The following NCKAP5L variants were observed in gnomAD, a reference collection of about 807,000 sequenced individuals.
NCKAP5L encodes NCK associated protein 5 like, also known as nck-associated protein 5-like.
A neutral mutation model predicts 103.2 loss-of-function variants in NCKAP5L; 54 were observed. The ratio of observed to expected loss-of-function variants is 0.52; its 90% CI spans 0.42 to 0.66. The LOEUF (loss-of-function observed/expected upper bound fraction) is 0.66. Ranked by LOEUF, NCKAP5L falls within the 30% of genes least tolerant of loss-of-function variation. The probability of loss-of-function intolerance (pLI) is 0.00; values close to 1 mark genes in which losing one functional copy is unlikely to be tolerated. For missense variants in NCKAP5L, 1,733 were observed against 1,750.6 expected, an observed-to-expected ratio of 0.99 and a Z score of 0.18; for synonymous variants, 762 against 748.6, an observed-to-expected ratio of 1.02 and a Z score of -0.29.
intron 1 of NCKAP5L, among the ~76,000 whole-genome samples, chr12:49,819,071 G>A (rs994258102): frequency 2.0e-5 from 3 of 149,772 alleles, no homozygotes; most frequent in South Asian, 2.1e-4. Context: ...AGTGGCTCGC[G>A]CCTGTAATCC....
rs1163941989 is a variant in NCKAP5L, at chr12:49,816,495, C to CAAAAAAAAAAAAA, written c.-98-10467_-98-10455dup. On this transcript the variant is annotated intron_variant, in intron 1 of 12. Transcript: ENST00000335999. ...ACCCTTTCAAAGTTCTCAACCCTCT[C>CAAAAAAAAAAAAA]AAAAAAAAAAAAAAAAAAAAAAGGC... Among the ~76,000 whole-genome samples, 7 of 49,434 alleles carry CAAAAAAAAAAAAA rather than the reference C, an allele frequency of 1.4e-4. 1 individual carries two copies. The highest frequency in any genetic ancestry group is 5.4e-4 in the African/African-American group (7 of 13,058). 32.4% of individuals were successfully genotyped at this position (49,434 alleles called of 152,430 possible).
chr12:49,816,752 G>A (rs10875972), intron 1 of NCKAP5L, among the ~76,000 whole-genome samples: 51,266 of 150,678 alleles, frequency 0.34, 9,100 homozygotes, highest in South Asian at 0.42. Flanking sequence ...AGCTGAAATC[G>A]CGCCACTGTA....
chr12:49,819,977 C>A (rs995216673), intron 1 of NCKAP5L, among the ~76,000 whole-genome samples: 5 of 152,348 alleles, frequency 3.3e-5, no homozygotes, highest in African/African-American at 1.2e-4. Context: ...TGACTCAGTG[C>A]AGCTGGATCT....
At chr12:49,822,808 A>T (rs1195058200) in intron 1 of NCKAP5L, among the ~76,000 whole-genome samples, 2 of 152,012 alleles carry the variant, frequency 1.3e-5, no homozygotes, top group East Asian at 3.9e-4. Context: ...TTGGCCTCCC[A>T]CAGTGCTGGG....
chr12:49,814,890 T>A (rs80041324), intron 1 of NCKAP5L, among the ~76,000 whole-genome samples: 2 of 152,252 alleles, frequency 1.3e-5, no homozygotes, highest in Non-Finnish European at 2.9e-5. Flanking sequence ...TTACCTTTCA[T>A]CATTGTAACA....
intron 1 of NCKAP5L, among the ~76,000 whole-genome samples, chr12:49,824,613 G>A (rs998287035): frequency 6.6e-6 from 1 of 152,242 alleles, no homozygotes; most frequent in African/African-American, 2.4e-5. Flanking sequence ...CTGTGTCCCC[G>A]GAGGGAACCA....
At chr12:49,799,326 T>C (rs76546999) in intron 6 of NCKAP5L, among the ~76,000 whole-genome samples, 1 of 148,470 alleles carries the variant, frequency 6.7e-6, no homozygotes, top group Admixed American at 6.9e-5. Flanking sequence ...TTTTTTTTTT[T>C]GAGACAGGGT....
chr12:49,806,451 T>C (rs2137018727), intron 1 of NCKAP5L, among the ~76,000 whole-genome samples: 1 of 152,364 alleles, frequency 6.6e-6, no homozygotes, highest in African/African-American at 2.4e-5. Flanking sequence ...TCAGTGCCTG[T>C]GTTTCAGATG....
At chr12:49,808,794 C>T (rs1192871929) in intron 1 of NCKAP5L, among the ~76,000 whole-genome samples, 3 of 152,188 alleles carry the variant, frequency 2.0e-5, no homozygotes, top group African/African-American at 4.8e-5. Context: ...CCCCAGGCTT[C>T]GGGTTTTTGG....
At chr12:49,824,569 C>T (rs1194074355) in intron 1 of NCKAP5L, among the ~76,000 whole-genome samples, 3 of 152,214 alleles carry the variant, frequency 2.0e-5, no homozygotes, top group Non-Finnish European at 4.4e-5. Flanking sequence ...GGACGGTGGG[C>T]AAAGCATCCT....
At chr12:49,819,099 G>A (rs1013787242) in intron 1 of NCKAP5L, among the ~76,000 whole-genome samples, 9 of 151,420 alleles carry the variant, frequency 5.9e-5, no homozygotes, top group Admixed American at 1.3e-4. Flanking sequence ...TTGGGAGGCC[G>A]AGGTGGGCAG....
At chr12:49,815,104 C>G (rs1351600984) in intron 1 of NCKAP5L, among the ~76,000 whole-genome samples, 1 of 152,202 alleles carries the variant, frequency 6.6e-6, no homozygotes, top group Non-Finnish European at 1.5e-5. Flanking sequence ...CTTGGTTAGG[C>G]AGTATCTATT....
Position 49,797,210 on chromosome 12 carries a change from T to C in NCKAP5L, c.650A>G (p.Gln217Arg). The change falls in exon 8 of 13, where the codon CAG becomes CGG. Residue 217 changes from glutamine (Q) to arginine (R), a missense_variant. Transcript: ENST00000335999. The surrounding 1 kb of genome is among the most constrained non-coding windows in gnomAD (Gnocchi z 4.5). ...GATGGGCTCTGGGGAGCCAGGCCCCTGGCCTGGAGGCCGCCAGGGGGTGGC... is the reference window on the plus strand; with the variant it reads ...GATGGGCTCTGGGGAGCCAGGCCCCCGGCCTGGAGGCCGCCAGGGGGTGGC... ...SPATPWRPPGQGPGSPEPING... is the reference protein window; with the variant it reads ...SPATPWRPPGRGPGSPEPING... 6.2e-7 allele frequency: 1 copy of C among 1,613,290 alleles called. No homozygotes were observed. The highest frequency in any genetic ancestry group is 8.5e-7 in the Non-Finnish European group (1 of 1,179,770).
intron 1 of NCKAP5L, among the ~76,000 whole-genome samples, chr12:49,820,704 T>C (rs1946351888): frequency 1.3e-5 from 2 of 152,170 alleles, no homozygotes; most frequent in Non-Finnish European, 2.9e-5. Context: ...GCTCAGCTAG[T>C]GGGCACCATC....
Position 49,796,237 on chromosome 12 carries a change from G to C in NCKAP5L, c.1623C>G (p.Ala541=). The C allele has an allele frequency of 6.3e-7, 1 of 1,577,488 alleles. No homozygotes were observed. The highest frequency in any genetic ancestry group is 8.6e-7 in the Non-Finnish European group (1 of 1,162,522). The change falls in exon 8 of 13, where the codon GCC becomes GCG. Residue 541 remains alanine (A), a synonymous_variant. Coordinates refer to ENST00000335999, the MANE Select transcript of NCKAP5L (RefSeq NM_001037806.4). ...DSTQLRPPQS[A]LSTTLSPGPV... is the part of the protein sequence containing the mutation. Reference sequence around the variant, plus strand: ...GGCCTGGGGACAGCGTGGTGGACAAGGCTGACTGCGGGGGTCTGAGCTGTG... The same window carrying C: ...GGCCTGGGGACAGCGTGGTGGACAACGCTGACTGCGGGGGTCTGAGCTGTG...
intron 1 of NCKAP5L, among the ~76,000 whole-genome samples, chr12:49,814,202 C>T (rs1471585104): frequency 6.8e-6 from 1 of 147,996 alleles, no homozygotes; most frequent in Non-Finnish European, 1.5e-5. Context: ...TATTTTCTTC[C>T]AGCCGGGTGT....
Position 49,792,905 on chromosome 12 carries a change from C to T in NCKAP5L, c.3422G>A (p.Ser1141Asn), listed in dbSNP as rs764413075. Residue 1141 changes from serine to asparagine, a missense_variant, in exon 11 of 13, where the codon AGC becomes AAC. Physicochemically the swap from Ser to Asn is conservative, Grantham distance 46. Coordinates refer to ENST00000335999, the MANE Select transcript of NCKAP5L (RefSeq NM_001037806.4). This position sits in a 1 kb window ranked among gnomAD's most constrained non-coding sequence, Gnocchi z 4.5. ...TGGCTTGGTCTTAGGAAGATTCTTG[C>T]TGGGGGTCCCACTGCTACCATGGTC... is the stretch of plus-strand genomic sequence containing the variant. ...PPDHGSSGTP[S>N]KNLPKTKPPR... The T allele has an allele frequency of 6.5e-7, 1 of 1,546,500 alleles. No individual in the cohort carries two copies. The highest frequency in any genetic ancestry group is 1.9e-5 in the Admixed American group (1 of 53,718).
chr12:49,823,788 A>C (rs559547839), intron 1 of NCKAP5L, among the ~76,000 whole-genome samples: 1 of 152,172 alleles, frequency 6.6e-6, no homozygotes, highest in Admixed American at 6.5e-5. Flanking sequence ...AGCAACAATA[A>C]TTCACCTTAA....
At chr12:49,827,900 C>A (rs1014981612) in intron 1 of NCKAP5L, among the ~76,000 whole-genome samples, 1 of 152,236 alleles carries the variant, frequency 6.6e-6, no homozygotes, top group African/African-American at 2.4e-5. Context: ...AGAGCCCCTC[C>A]CCCCGCAATA....
Sources: gnomAD v4.1 joint callset for allele counts (sites outside exome capture counted in the v4.1 genomes callset) on GRCh38, gnomAD v4.1.1 for gene constraint, Gnocchi (gnomAD v3.1) non-coding constraint, MANE v1.5 for transcripts, NCBI Gene and HGNC (gene_info 2026-07-23, HGNC 2026-07-21) for gene names.